XYLT1: variants seen among roughly 807,000 people sequenced by gnomAD.
The protein encoded by XYLT1 is xylosyltransferase 1, also known as beta-D-xylosyltransferase 1.
XYLT1 carries 36 observed loss-of-function variants against 91.3 expected under a neutral mutation model. The ratio of observed to expected loss-of-function variants is 0.39; its 90% CI spans 0.30 to 0.52. The LOEUF (loss-of-function observed/expected upper bound fraction) is 0.52. Among genes scored for constraint, XYLT1 ranks in the 20% least tolerant of loss-of-function variants. The pLI is 0.68. For missense variants in XYLT1, 1,242 were observed against 1,284.5 expected (o/e 0.97, Z 0.51); for synonymous variants, 588 against 532.0 (o/e 1.11, Z -1.45).
chr16:17,433,244 A>T lies in XYLT1; in HGVS notation c.363+37190T>A, dbSNP rs189583157. Among the ~76,000 whole-genome samples the T allele has an allele frequency of 8.5e-5, 13 of 152,296 alleles. No individual in the cohort carries two copies. In the East Asian group the frequency reaches 2.3e-3, roughly 27 times the overall value. On this transcript the variant is annotated intron_variant, in intron 1 of 11. Transcript: ENST00000261381. ...TCTTTTGAACCATGCTATCACCCCG[A>T]AAAGTGACTCTTTTGAGGTCACACT...
At chr16:17,274,268 AGTCTATT>A (rs1273660117) in intron 2 of XYLT1, among the ~76,000 whole-genome samples, 4 of 152,176 alleles carry the variant, frequency 2.6e-5, no homozygotes, top group African/African-American at 7.2e-5. Flanking sequence ...CTATTTTAGC[AGTCTATT>A]GATCTTTTTT....
chr16:17,267,358 C>A (rs1477674333), intron 2 of XYLT1, among the ~76,000 whole-genome samples: 1 of 152,194 alleles, frequency 6.6e-6, no homozygotes, highest in Non-Finnish European at 1.5e-5. Flanking sequence ...CAAGTGGCAG[C>A]AGGATGATAT....
chr16:17,150,493 T>G (rs1597153780), intron 6 of XYLT1, among the ~76,000 whole-genome samples: 1 of 152,254 alleles, frequency 6.6e-6, no homozygotes, highest in East Asian at 1.9e-4. Flanking sequence ...AGCTACCATT[T>G]ATTGAGCGTA....
chr16:17,280,215 G>A (rs569576530), intron 2 of XYLT1, among the ~76,000 whole-genome samples: 1 of 152,290 alleles, frequency 6.6e-6, no homozygotes, highest in South Asian at 2.1e-4. Context: ...TCCAGGCATG[G>A]CGGCAGCACC....
intron 1 of XYLT1, among the ~76,000 whole-genome samples, chr16:17,360,508 G>T (rs2035366691): frequency 6.6e-6 from 1 of 152,178 alleles, no homozygotes; most frequent in Non-Finnish European, 1.5e-5. Flanking sequence ...TATCTATTTA[G>T]CATCTTCATT....
At chr16:17,240,252 A>T (rs1449803871) in intron 3 of XYLT1, among the ~76,000 whole-genome samples, 2 of 152,190 alleles carry the variant, frequency 1.3e-5, no homozygotes, top group Non-Finnish European at 2.9e-5. Flanking sequence ...TAGGGGATGC[A>T]GGAACAGGGA....
rs147170002 is a variant in XYLT1, at chr16:17,277,507, A to G, written c.403-18009T>C. 8.9e-4 allele frequency among the ~76,000 whole-genome samples: 136 copies of G among 152,138 alleles called. 3 individuals carry two copies. The East Asian group carries it at 0.022, about 24-fold the overall frequency. ...GGGGTTCAAGAGATTCTCCTGCCTC[A>G]GCCTCCTGAGTAGGTGGGATTACAG... On this transcript the variant is annotated intron_variant, in intron 2 of 11. Coordinates refer to ENST00000261381, the MANE Select transcript of XYLT1 (RefSeq NM_022166.4).
chr16:17,301,296 G>A (rs1189439115), intron 2 of XYLT1, among the ~76,000 whole-genome samples: 1 of 152,066 alleles, frequency 6.6e-6, no homozygotes, highest in African/African-American at 2.4e-5. Context: ...TATAATCCCA[G>A]CTACTCAGGA....
rs9937900 is a variant in XYLT1, at chr16:17,424,895, G to A, written c.363+45539C>T. Among the ~76,000 whole-genome samples the A allele has an allele frequency of 2.3e-3, 348 of 148,572 alleles. 1 individual carries two copies. Among genetic ancestry groups the A allele is most frequent in the African/African-American group, 8.1e-3 (325 of 40,298 alleles). On this transcript the variant is annotated intron_variant, in intron 1 of 11. Coordinates refer to ENST00000261381, the MANE Select transcript of XYLT1 (RefSeq NM_022166.4). Reference sequence around the variant, plus strand: ...AAAAAAAAAAAAAAAAAAAAGATACGTGGACACACACCCCGACACTGTACC... The same window carrying A: ...AAAAAAAAAAAAAAAAAAAAGATACATGGACACACACCCCGACACTGTACC...
intron 10 of XYLT1, among the ~76,000 whole-genome samples, chr16:17,122,562 TC>T (rs1178347307): frequency 6.6e-6 from 1 of 152,268 alleles, no homozygotes; most frequent in African/African-American, 2.4e-5. Context: ...GCTGATTATT[TC>T]TTTTGCCTTG....
intron 3 of XYLT1, among the ~76,000 whole-genome samples, chr16:17,201,696 G>C (rs949367051): frequency 5.9e-5 from 9 of 151,876 alleles, no homozygotes; most frequent in African/African-American, 2.2e-4. Flanking sequence ...GCTGGTCTCG[G>C]AACTCCTGAC....
At chr16:17,384,719 A>G (rs1349889017) in intron 1 of XYLT1, among the ~76,000 whole-genome samples, 2 of 151,810 alleles carry the variant, frequency 1.3e-5, no homozygotes, top group Admixed American at 6.6e-5. Context: ...TAGGGAAGGA[A>G]GTTGGCCAGA....
At chr16:17,445,821 G>A (rs2036584425) in intron 1 of XYLT1, 1 of 152,236 alleles carries the variant, frequency 6.6e-6, no homozygotes, top group South Asian at 2.1e-4. Flanking sequence ...TTCAGCAGCT[G>A]AAGTGAGTGA....
At chr16:17,223,925 C>T (rs371440211) in intron 3 of XYLT1, among the ~76,000 whole-genome samples, 25 of 152,308 alleles carry the variant, frequency 1.6e-4, no homozygotes, top group African/African-American at 4.6e-4. Context: ...GTGACCTCAA[C>T]GCAAACAAAC....
At chr16:17,356,898 C>G (rs527955297) in intron 2 of XYLT1, among the ~76,000 whole-genome samples, 1 of 152,008 alleles carries the variant, frequency 6.6e-6, no homozygotes, top group Non-Finnish European at 1.5e-5. Flanking sequence ...TGCCACTTGC[C>G]GGACGCAGTG....
At chr16:17,193,402 G>C (rs998837578) in intron 5 of XYLT1, 1 of 150,318 alleles carries the variant, frequency 6.7e-6, no homozygotes, top group Non-Finnish European at 1.5e-5. Context: ...CCCAGTTGGT[G>C]GTGGGGCAGA....
chr16:17,207,219 G>C (rs983974940), intron 3 of XYLT1, among the ~76,000 whole-genome samples: 2 of 151,902 alleles, frequency 1.3e-5, no homozygotes, highest in Non-Finnish European at 2.9e-5. Context: ...CACCACGCCT[G>C]GCTAAATTTT....
intron 1 of XYLT1, among the ~76,000 whole-genome samples, chr16:17,443,061 G>A (rs1021283195): frequency 2.6e-5 from 4 of 152,094 alleles, no homozygotes; most frequent in South Asian, 4.2e-4. Context: ...TGCAAATCTC[G>A]ACTCAACTCT....
intron 1 of XYLT1, among the ~76,000 whole-genome samples, chr16:17,389,943 T>A (rs2035794644): frequency 6.6e-6 from 1 of 152,198 alleles, no homozygotes; most frequent in Non-Finnish European, 1.5e-5. Context: ...AAGGGAATCG[T>A]GTCAGGTGTG....
Sources: gnomAD v4.1 joint callset for allele counts (sites outside exome capture counted in the v4.1 genomes callset) on GRCh38, gnomAD v4.1.1 for gene constraint, MANE v1.5 for transcripts, NCBI Gene and HGNC (gene_info 2026-07-23, HGNC 2026-07-21) for gene names.